SPIDR: variants seen among roughly 807,000 people sequenced by gnomAD.
SPIDR encodes the protein scaffold protein involved in DNA repair, also known as DNA repair-scaffolding protein.
In SPIDR, 93 loss-of-function variants were observed where a neutral mutation model predicts 104.6. That is an observed-to-expected ratio of 0.89 (90% confidence interval 0.75 to 1.06). SPIDR has a LOEUF of 1.06. SPIDR is among the 50% of genes least tolerant of loss of function. The pLI is 0.00. For synonymous variants in SPIDR, 431 were observed against 416.9 expected, an observed-to-expected ratio of 1.03 and a Z score of -0.41; for missense variants, 1,154 against 1,111.2, an observed-to-expected ratio of 1.04 and a Z score of -0.55.
At chr8:47,371,955 A>G (rs782634081) in intron 5 of SPIDR, among the ~76,000 whole-genome samples, 9 of 152,142 alleles carry the variant, frequency 5.9e-5, no homozygotes, top group Non-Finnish European at 8.8e-5. Context: ...GGACTATTCA[A>G]GTGTTCATTC....
At chr8:47,274,311 G>C (rs1197172018) in intron 1 of SPIDR, among the ~76,000 whole-genome samples, 3 of 152,084 alleles carry the variant, frequency 2.0e-5, no homozygotes, top group Admixed American at 6.6e-5. Context: ...TGTTGCACCA[G>C]AGTAAATAAT....
At chr8:47,464,588 C>T (rs1390913808) in intron 8 of SPIDR, among the ~76,000 whole-genome samples, 3 of 152,064 alleles carry the variant, frequency 2.0e-5, no homozygotes, top group African/African-American at 4.8e-5. Context: ...GTTGAACTGA[C>T]AAGCAGCAAC....
chr8:47,524,840 A>G (rs1181875414), intron 8 of SPIDR, among the ~76,000 whole-genome samples: 1 of 152,182 alleles, frequency 6.6e-6, no homozygotes, highest in East Asian at 1.9e-4. Context: ...GAGTGGAGCT[A>G]ACACTTTGTA....
At chr8:47,340,466 A>G (rs1222170754) in intron 5 of SPIDR, among the ~76,000 whole-genome samples, 4 of 152,070 alleles carry the variant, frequency 2.6e-5, no homozygotes, top group Non-Finnish European at 5.9e-5. Flanking sequence ...CTGTCTGGAC[A>G]TGGTGGCACC....
intron 18 of SPIDR, 135 bp from the exon 19 acceptor site, chr8:47,729,277 C>T (rs1563686971): frequency 2.1e-6 from 3 of 1,435,788 alleles, no homozygotes; most frequent in Non-Finnish European, 2.8e-6. Context: ...ACATCTTTGA[C>T]CTAAGGCCGT....
At chr8:47,314,557 A>G (rs587632354) in intron 5 of SPIDR, among the ~76,000 whole-genome samples, 1 of 152,296 alleles carries the variant, frequency 6.6e-6, no homozygotes, top group South Asian at 2.1e-4. Context: ...GAATGAGAGC[A>G]AAGTTGGGGG....
chr8:47,711,887 C>G (rs2081947631), intron 14 of SPIDR, among the ~76,000 whole-genome samples: 1 of 152,194 alleles, frequency 6.6e-6, no homozygotes, highest in Admixed American at 6.5e-5. Context: ...TCACCCCAAC[C>G]CTCAGCTACG....
intron 10 of SPIDR, among the ~76,000 whole-genome samples, chr8:47,608,638 C>A (rs2063254861): frequency 6.6e-6 from 1 of 152,206 alleles, no homozygotes; most frequent in Non-Finnish European, 1.5e-5. Flanking sequence ...CTTATTGTAG[C>A]CATCCATGTG....
intron 8 of SPIDR, among the ~76,000 whole-genome samples, chr8:47,582,842 A>G (rs1210642227): frequency 2.1e-5 from 3 of 140,208 alleles, no homozygotes; most frequent in Admixed American, 6.9e-5. Flanking sequence ...ACACACACAC[A>G]CACACACACA....
intron 5 of SPIDR, among the ~76,000 whole-genome samples, chr8:47,299,624 C>T (rs1323246345): frequency 6.6e-6 from 1 of 152,128 alleles, no homozygotes; most frequent in Non-Finnish European, 1.5e-5. Context: ...AGATACGTCC[C>T]ATCAATACCT....
chr8:47,583,368 T>C (rs2059937982), intron 8 of SPIDR, among the ~76,000 whole-genome samples: 1 of 151,736 alleles, frequency 6.6e-6, no homozygotes, highest in African/African-American at 2.4e-5. Flanking sequence ...ATTGGTAGTG[T>C]TGGGTATATG....
rs535302913 is a variant in SPIDR, at chr8:47,584,134, A to ATTTAG, written c.1098-11676_1098-11675insTTAGT. On this transcript the variant is annotated intron_variant, in intron 8 of 19. Transcript: ENST00000297423. ...TGATTTCCCAGATCATATAGATCAT[A>ATTTAG]TCATATTTAGTCACGTTATATTTGT... 3.8e-3 allele frequency among the ~76,000 whole-genome samples: 573 copies of ATTTAG among 152,314 alleles called. 2 individuals are homozygous for ATTTAG. The highest frequency in any genetic ancestry group is 0.022 in the South Asian group (105 of 4,826).
chr8:47,373,808 G>A (rs1554640569), intron 5 of SPIDR, among the ~76,000 whole-genome samples: 1 of 152,158 alleles, frequency 6.6e-6, no homozygotes, highest in Non-Finnish European at 1.5e-5. Flanking sequence ...AAATTAAAAA[G>A]ATAAATCAAA....
chr8:47,379,138 G>A (rs1045052861), intron 5 of SPIDR, among the ~76,000 whole-genome samples: 5 of 152,076 alleles, frequency 3.3e-5, no homozygotes, highest in African/African-American at 1.2e-4. Context: ...GTAGCCAGAG[G>A]GAAGGAAGCC....
intron 5 of SPIDR, among the ~76,000 whole-genome samples, chr8:47,360,026 AG>A (rs2055437078): frequency 6.6e-6 from 1 of 152,074 alleles, no homozygotes; most frequent in African/African-American, 2.4e-5. Flanking sequence ...GCGGATCACA[AG>A]GTCAGGAGAT....
intron 5 of SPIDR, among the ~76,000 whole-genome samples, chr8:47,345,596 C>T (rs1423103145): frequency 6.6e-6 from 1 of 152,178 alleles, no homozygotes; most frequent in Non-Finnish European, 1.5e-5. Flanking sequence ...TATCCATGAG[C>T]ATGGAATGTT....
intron 5 of SPIDR, among the ~76,000 whole-genome samples, chr8:47,297,789 A>T (rs1438119910): frequency 1.3e-4 from 20 of 152,172 alleles, no homozygotes; most frequent in African/African-American, 4.1e-4. Flanking sequence ...ACATGAACTC[A>T]TCATTTTTTA....
intron 8 of SPIDR, among the ~76,000 whole-genome samples, chr8:47,594,098 G>A (rs950245451): frequency 2.0e-5 from 3 of 147,284 alleles, no homozygotes; most frequent in Non-Finnish European, 3.0e-5. Context: ...GGTGGCTCAC[G>A]CCTGTAATCC....
chr8:47,484,540 C>T (rs1217631044), intron 8 of SPIDR, among the ~76,000 whole-genome samples: 1 of 152,176 alleles, frequency 6.6e-6, no homozygotes, highest in African/African-American at 2.4e-5. Flanking sequence ...CCTTATCCTC[C>T]TCATGCAGTG....
Sources: allele counts gnomAD v4.1 joint callset (sites outside exome capture counted in the v4.1 genomes callset), GRCh38; gene constraint gnomAD v4.1.1; transcripts MANE v1.5; gene names NCBI Gene and HGNC (gene_info 2026-07-23, HGNC 2026-07-21).